Variants in DISC1 observed in about 807,000 individuals in gnomAD.
The protein encoded by DISC1 is disrupted in schizophrenia 1 protein.
A neutral mutation model predicts 84.5 loss-of-function variants in DISC1; 57 were observed. That is an observed-to-expected ratio of 0.67 (90% CI 0.55 to 0.84). DISC1 has a LOEUF of 0.84. DISC1 is among the 40% of genes least tolerant of loss of function. The pLI, the probability that DISC1 is intolerant of heterozygous loss-of-function variation, is 0.00. For missense variants in DISC1, 1,000 were observed against 1,057.8 expected (o/e 0.95, Z 0.76); for synonymous variants, 411 against 415.2 (o/e 0.99, Z 0.12).
At chr1:231,837,111 A>G (rs201855064) in intron 9 of DISC1, among the ~76,000 whole-genome samples, 1 of 152,092 alleles carries the variant, frequency 6.6e-6, no homozygotes, top group Non-Finnish European at 1.5e-5. Flanking sequence ...TTTAGAGTAC[A>G]TTTTTTTCTC....
intron 9 of DISC1, among the ~76,000 whole-genome samples, chr1:231,834,577 A>G (rs1312593966): frequency 1.3e-5 from 2 of 152,174 alleles, no homozygotes; most frequent in Non-Finnish European, 2.9e-5. Flanking sequence ...ATTGGGGTCA[A>G]GCGGCATCGC....
rs1002305895 is a variant in DISC1 at position 231,730,117 on chromosome 1, C to T, written c.1118-19809C>T. 2.6e-5 allele frequency among the ~76,000 whole-genome samples: 4 copies of T among 152,270 alleles called. No homozygotes were observed. The East Asian group carries it at 7.7e-4, about 29-fold the overall frequency. Reference sequence around the variant, plus strand: ...TCCAGCTAATTTTTTGTGAAAACACCAGCAGAGCAAATTACTCATGAAAAA... The same window carrying T: ...TCCAGCTAATTTTTTGTGAAAACACTAGCAGAGCAAATTACTCATGAAAAA... On this transcript the variant is annotated intron_variant, in intron 3 of 12. Coordinates refer to ENST00000439617, the MANE Select transcript of DISC1 (RefSeq NM_018662.3).
intron 9 of DISC1, among the ~76,000 whole-genome samples, chr1:231,845,091 T>C (rs977205234): frequency 6.6e-6 from 1 of 152,162 alleles, no homozygotes; most frequent in African/African-American, 2.4e-5. Context: ...TATTATCAGA[T>C]GTAAGGTCTG....
At chr1:231,874,968 A>G (rs2085765046) in intron 9 of DISC1, among the ~76,000 whole-genome samples, 1 of 152,034 alleles carries the variant, frequency 6.6e-6, no homozygotes, top group African/African-American at 2.4e-5. Flanking sequence ...ATACCAATGA[A>G]GACATGAAAA....
chr1:231,788,573 G>A (rs1173424285), intron 6 of DISC1, among the ~76,000 whole-genome samples: 2 of 152,138 alleles, frequency 1.3e-5, no homozygotes, highest in African/African-American at 4.8e-5. Context: ...ATCAACATAC[G>A]AATTTTGTGG....
At chr1:231,991,767 A>G (rs894660248) in intron 10 of DISC1, among the ~76,000 whole-genome samples, 2 of 152,188 alleles carry the variant, frequency 1.3e-5, no homozygotes, top group African/African-American at 4.8e-5. Context: ...GGTAAAATGT[A>G]AAGGAAAAGC....
intron 10 of DISC1, among the ~76,000 whole-genome samples, chr1:231,997,694 A>G (rs200598166): frequency 7.9e-5 from 12 of 152,156 alleles, no homozygotes; most frequent in Admixed American, 1.3e-4. Context: ...CCCAAGGGGT[A>G]GGTAATTACA....
At chr1:231,743,282 C>T (rs2073553385) in intron 3 of DISC1, among the ~76,000 whole-genome samples, 1 of 152,174 alleles carries the variant, frequency 6.6e-6, no homozygotes, top group African/African-American at 2.4e-5. Context: ...TAGATTATCT[C>T]AGTTAATCCT....
intron 7 of DISC1, among the ~76,000 whole-genome samples, chr1:231,795,617 G>A (rs1280692968): frequency 1.3e-5 from 2 of 152,172 alleles, no homozygotes; most frequent in Non-Finnish European, 2.9e-5. Flanking sequence ...GGCTTGGTGC[G>A]GTGGCTCACG....
intron 10 of DISC1, among the ~76,000 whole-genome samples, chr1:231,994,212 C>T (rs1040085232): frequency 6.6e-6 from 1 of 152,210 alleles, no homozygotes; most frequent in African/African-American, 2.4e-5. Flanking sequence ...CACAATGGCT[C>T]ACTGGTGTGG....
Position 231,685,460 on chromosome 1 carries a change from A to AT in DISC1, c.68-8356dup, listed in dbSNP as rs910480082. Among the ~76,000 whole-genome samples the AT allele has an allele frequency of 1.2e-3, 183 of 149,000 alleles. 1 individual carries two copies. Among genetic ancestry groups the AT allele is most frequent in the African/African-American group, 4.1e-3 (166 of 40,648 alleles). ...GCACTTCTTTATTTTATCTTATTGT[A>AT]TTTTTTTTTTGAGACAGAGTCTCGC... On this transcript the variant is annotated intron_variant, in intron 1 of 12. Coordinates refer to ENST00000439617, the MANE Select transcript of DISC1 (RefSeq NM_018662.3).
intron 11 of DISC1, among the ~76,000 whole-genome samples, chr1:232,024,199 G>A (rs1669235695): frequency 6.6e-6 from 1 of 151,982 alleles, no homozygotes; most frequent in South Asian, 2.1e-4. Context: ...CCCCACAATT[G>A]TATGTTATTG....
intron 10 of DISC1, among the ~76,000 whole-genome samples, chr1:231,970,361 G>A (rs1037483935): frequency 6.6e-6 from 1 of 152,186 alleles, no homozygotes; most frequent in East Asian, 1.9e-4. Flanking sequence ...TGATCATGAT[G>A]ACTTGTTTCT....
chr1:231,769,430 G>A (rs1449644787), intron 5 of DISC1, among the ~76,000 whole-genome samples: 1 of 152,160 alleles, frequency 6.6e-6, no homozygotes, highest in Non-Finnish European at 1.5e-5. Context: ...TGAGATATTA[G>A]TCTCGGAAGG....
intron 7 of DISC1, among the ~76,000 whole-genome samples, chr1:231,799,834 T>G (rs1573911471): frequency 9.9e-6 from 1 of 101,384 alleles, no homozygotes; most frequent in East Asian, 3.0e-4. Flanking sequence ...CCCTCCCTCT[T>G]TCCCTTCTCT....
chr1:231,813,586 C>T (rs17766890), intron 8 of DISC1, among the ~76,000 whole-genome samples: 7,059 of 152,292 alleles, frequency 0.046, 189 homozygotes, highest in Middle Eastern at 0.075. Context: ...TTACTGTTTA[C>T]AGCTTGAAGC....
intron 9 of DISC1, among the ~76,000 whole-genome samples, chr1:231,828,337 T>C (rs1045404810): frequency 2.0e-5 from 3 of 152,218 alleles, no homozygotes; most frequent in Non-Finnish European, 4.4e-5. Context: ...GACATATACA[T>C]TGGAATTTGG....
chr1:231,686,010 A>G (rs1199533411), intron 1 of DISC1, among the ~76,000 whole-genome samples: 3 of 152,206 alleles, frequency 2.0e-5, no homozygotes, highest in Non-Finnish European at 4.4e-5. Context: ...TCCAGATCTC[A>G]CATCCAGGTC....
intron 11 of DISC1, among the ~76,000 whole-genome samples, chr1:232,017,788 G>A (rs1558840842): frequency 1.3e-5 from 2 of 152,138 alleles, no homozygotes; most frequent in Admixed American, 6.5e-5. Context: ...GACCTAAAGG[G>A]TAACTGCCTG....
Sources: allele counts gnomAD v4.1 joint callset (sites outside exome capture counted in the v4.1 genomes callset), GRCh38; gene constraint gnomAD v4.1.1; transcripts MANE v1.5; gene names NCBI Gene and HGNC (gene_info 2026-07-23, HGNC 2026-07-21).